The following LRRIQ1 variants were observed in gnomAD, a reference collection of about 807,000 sequenced individuals.
LRRIQ1 encodes leucine-rich repeat- and IQ domain-containing protein 1.
LRRIQ1 carries 210 observed loss-of-function variants against 211.9 expected under a neutral mutation model. That is an observed-to-expected ratio of 0.99 (90% CI 0.89 to 1.11). The LOEUF (loss-of-function observed/expected upper bound fraction) is 1.11, where lower values mean the gene tolerates loss of function less well. LRRIQ1 is among the 50% of genes most tolerant of loss of function. LRRIQ1 has a pLI of 0.00. For missense variants in LRRIQ1, 2,136 were observed against 1,939.5 expected, an observed-to-expected ratio of 1.10 and a Z score of -1.90; for synonymous variants, 699 against 650.1, an observed-to-expected ratio of 1.08 and a Z score of -1.14.
At chr12:85,129,619 G>A (rs949760820) in intron 18 of LRRIQ1, among the ~76,000 whole-genome samples, 1 of 152,172 alleles carries the variant, frequency 6.6e-6, no homozygotes, top group African/African-American at 2.4e-5. Context: ...ATATCTGTGG[G>A]AAGAATATTC....
rs1208076790 is a variant in LRRIQ1, at chr12:85,217,502, ATATATATGTGTGTGTGTGTGTG to A, written c.4823-12013_4823-11992del. Among the ~76,000 whole-genome samples the A allele has an allele frequency of 2.6e-4, 20 of 78,058 alleles. 2 individuals are homozygous for A. The highest frequency in any genetic ancestry group is 2.0e-3 in the African/African-American group (20 of 9,848). The allele number at this position is 78,058 out of a possible 152,430, so 51.2% of individuals were successfully genotyped here. ...TATATATATATATATGTATATATATATATATATGTGTGTGTGTGTGTGTGTGTGTGTGTGTGTGTGTGTGTGT... is the reference window on the plus strand; with the variant it reads ...TATATATATATATATGTATATATATATGTGTGTGTGTGTGTGTGTGTGTGT... On this transcript the variant is annotated intron_variant, in intron 24 of 26. Coordinates refer to ENST00000393217, the MANE Select transcript of LRRIQ1 (RefSeq NM_001079910.2).
chr12:85,070,021 A>G (rs150760415), intron 10 of LRRIQ1, among the ~76,000 whole-genome samples: 107 of 152,180 alleles, frequency 7.0e-4, no homozygotes, highest in African/African-American at 2.5e-3. Context: ...GCCCATGCCT[A>G]TGTCCTGAAT....
At position 85,098,382 on chromosome 12, in the gene LRRIQ1, A is replaced by G; in HGVS notation, c.2915A>G (p.Gln972Arg). 2.5e-6 allele frequency: 4 copies of G among 1,608,910 alleles called. No homozygotes were observed. Among genetic ancestry groups the G allele is most frequent in the Non-Finnish European group, 3.4e-6 (4 of 1,177,446 alleles). Reference sequence around the variant, plus strand: ...GGTTTAGAATCTTTGAAAAATCTTCAACAACTAATTTTGGACCACAATCAG... The same window carrying G: ...GGTTTAGAATCTTTGAAAAATCTTCGACAACTAATTTTGGACCACAATCAG... ...NCGLESLKNL[Q>R]QLILDHNQLI... is the part of the protein sequence containing the mutation. Residue 972 changes from glutamine to arginine, a missense_variant, in exon 12 of 27, where the codon CAA (glutamine) becomes CGA (arginine). Physicochemically the swap from Gln to Arg is conservative, Grantham distance 43. Coordinates refer to ENST00000393217, the MANE Select transcript of LRRIQ1 (RefSeq NM_001079910.2).
chr12:85,098,204 T>C (rs1886058965), intron 11 of LRRIQ1, 151 bp from the exon 12 acceptor site: 6 of 556,742 alleles, frequency 1.1e-5, no homozygotes, highest in Non-Finnish European at 1.2e-5. Flanking sequence ...TTACAAGATA[T>C]GTTTCACCAG....
chr12:85,137,952 G>T lies in LRRIQ1; in HGVS notation c.4312G>T (p.Asp1438Tyr). 6.9e-7 allele frequency: 1 copy of T among 1,458,746 alleles called. No homozygotes were observed. The highest frequency in any genetic ancestry group is 9.5e-7 in the Non-Finnish European group (1 of 1,050,944). The allele number at this position is 1,458,746 out of a possible 1,614,324, so 90.4% of individuals were successfully genotyped here. ...AGAATACAGAGAAATAGATTTAGAG[G>T]ATTTTATATTTGATGAAGTAAGTAC... is the stretch of plus-strand genomic sequence containing the variant. ...DEEYREIDLE[D>Y]FIFDEAALEE... Residue 1438 changes from aspartate (D) to tyrosine (Y), a missense_variant, in exon 19 of 27, where the codon GAT (aspartate) becomes TAT (tyrosine). Coordinates refer to ENST00000393217, the MANE Select transcript of LRRIQ1 (RefSeq NM_001079910.2).
intron 1 of LRRIQ1, among the ~76,000 whole-genome samples, chr12:85,262,015 C>T (rs1896313790): frequency 6.6e-6 from 1 of 152,054 alleles, no homozygotes; most frequent in Non-Finnish European, 1.5e-5. Flanking sequence ...GTCTCGAACT[C>T]CTGACCTCAA....
At chr12:85,189,225 GAAGAA>G (rs1256973010) in intron 24 of LRRIQ1, among the ~76,000 whole-genome samples, 1 of 152,078 alleles carries the variant, frequency 6.6e-6, no homozygotes, top group Non-Finnish European at 1.5e-5. Flanking sequence ...CAGATGAAAT[GAAGAA>G]AAGAGCAAAT....
intron 24 of LRRIQ1, among the ~76,000 whole-genome samples, chr12:85,168,019 A>G (rs1240716848): frequency 1.3e-5 from 2 of 152,220 alleles, no homozygotes; most frequent in South Asian, 4.1e-4. Context: ...AAGAAAGGAA[A>G]TAAAATGAAG....
intron 11 of LRRIQ1, among the ~76,000 whole-genome samples, chr12:85,075,138 A>G (rs1244890067): frequency 6.6e-6 from 1 of 152,088 alleles, no homozygotes; most frequent in Non-Finnish European, 1.5e-5. Context: ...CATCACTGGC[A>G]TGAGTTAGGT....
chr12:85,126,056 A>G (rs2136458351), intron 17 of LRRIQ1, among the ~76,000 whole-genome samples: 1 of 152,274 alleles, frequency 6.6e-6, no homozygotes, highest in African/African-American at 2.4e-5. Flanking sequence ...AATTTTGCCA[A>G]AAACATGATG....
At chr12:85,233,268 T>G (rs1205685881) in intron 26 of LRRIQ1, among the ~76,000 whole-genome samples, 1 of 152,020 alleles carries the variant, frequency 6.6e-6, no homozygotes, top group Non-Finnish European at 1.5e-5. Flanking sequence ...TGTGCATTGC[T>G]AAAGTCAATT....
At chr12:85,259,656 AT>A (rs1896228390) in intron 1 of LRRIQ1, among the ~76,000 whole-genome samples, 1 of 152,118 alleles carries the variant, frequency 6.6e-6, no homozygotes, top group African/African-American at 2.4e-5. Context: ...ACAAAACATT[AT>A]ATATTCACTT....
chr12:85,127,686 A>G (rs1009547241), intron 17 of LRRIQ1, 146 bp from the exon 18 acceptor site: 174 of 669,760 alleles, frequency 2.6e-4, no homozygotes, highest in South Asian at 1.1e-3. Flanking sequence ...TTCTATGACA[A>G]TGGTTAAACA....
chr12:85,234,309 T>G (rs1295465699), intron 26 of LRRIQ1, among the ~76,000 whole-genome samples: 4 of 152,198 alleles, frequency 2.6e-5, no homozygotes, highest in African/African-American at 9.7e-5. Context: ...GATAGATTAC[T>G]GATCATAATA....
chr12:85,056,438 A>T lies in LRRIQ1; in HGVS notation c.1645A>T (p.Thr549Ser), dbSNP rs756409378. Reference sequence around the variant, plus strand: ...CATGAAACATGTCATAAATGAGAATACAGGACAAAAAACCCAGATAATATT... The same window carrying T: ...CATGAAACATGTCATAAATGAGAATTCAGGACAAAAAACCCAGATAATATT... ...KIMKHVINEN[T>S]GQKTQIILGH... is the part of the protein sequence containing the mutation. Residue 549 changes from threonine (T) to serine (S), a missense_variant, in exon 8 of 27, where the codon ACA becomes TCA. Transcript: ENST00000393217. The T allele has an allele frequency of 6.3e-7, 1 of 1,599,544 alleles. No individual in the cohort carries two copies. The highest frequency in any genetic ancestry group is 1.4e-5 in the African/African-American group (1 of 73,816).
At position 85,160,629 on chromosome 12, in the gene LRRIQ1, A is replaced by T; in HGVS notation, c.4737A>T (p.Leu1579=). 2 of 1,607,428 alleles carry T rather than the reference A, an allele frequency of 1.2e-6. No individual in the cohort carries two copies. The highest frequency in any genetic ancestry group is 3.3e-4 in the Middle Eastern group (2 of 6,036). Residue 1579 remains leucine (L), a synonymous_variant, in exon 24 of 27, where the codon CTA becomes CTT. Coordinates refer to ENST00000393217, the MANE Select transcript of LRRIQ1 (RefSeq NM_001079910.2). ...LKKKIDSTVR[L]ALFKNNENKV... ...TTTGTTTAGATTCCACTGTGCGTCT[A>T]GCCTTATTCAAAAACAATGAAAATA...
chr12:85,071,716 A>G (rs1439022675), intron 10 of LRRIQ1, among the ~76,000 whole-genome samples: 1 of 152,052 alleles, frequency 6.6e-6, no homozygotes, highest in Non-Finnish European at 1.5e-5. Context: ...CCTCAAAATC[A>G]TGGAGGAAGA....
chr12:85,158,821 G>A lies in LRRIQ1; in HGVS notation c.4721-1792G>A, dbSNP rs118083738. On this transcript the variant is annotated intron_variant, in intron 23 of 26. Transcript: ENST00000393217. ...AACTGACTTTATAATGAATAAAAAC[G>A]TGTAACAAACTATACTGTTTACAAT... Among the ~76,000 whole-genome samples the A allele has an allele frequency of 1.6e-3, 244 of 151,706 alleles. 6 individuals carry two copies. The East Asian group carries it at 0.04, about 25-fold the overall frequency.
At chr12:85,232,427 A>G (rs1894985735) in intron 25 of LRRIQ1, among the ~76,000 whole-genome samples, 1 of 152,138 alleles carries the variant, frequency 6.6e-6, no homozygotes, top group Non-Finnish European at 1.5e-5. Context: ...AGTACTAATC[A>G]ATTGTGGCTC....
Sources: allele counts gnomAD v4.1 joint callset (sites outside exome capture counted in the v4.1 genomes callset), GRCh38; gene constraint gnomAD v4.1.1; transcripts MANE v1.5; gene names NCBI Gene and HGNC (gene_info 2026-07-23, HGNC 2026-07-21).